Variants in TRPM6 observed in about 807,000 individuals in gnomAD.
The protein encoded by TRPM6 is transient receptor potential cation channel subfamily M member 6, also known as channel kinase 2.
Under a neutral mutation model 247.6 loss-of-function variants are expected in TRPM6, and 111 were observed. The observed-to-expected ratio is 0.45, with a 90% CI of 0.38 to 0.52. The LOEUF (loss-of-function observed/expected upper bound fraction) is 0.52. TRPM6 is among the 20% of genes least tolerant of loss of function. The pLI is 0.00. For synonymous variants in TRPM6, 892 were observed against 853.8 expected (o/e 1.04, Z -0.78); for missense variants, 2,126 against 2,421.5 (o/e 0.88, Z 2.56).
At chr9:74,865,095 C>T (rs1030120954) in intron 1 of TRPM6, among the ~76,000 whole-genome samples, 4 of 150,038 alleles carry the variant, frequency 2.7e-5, no homozygotes, top group Admixed American at 6.7e-5. Context: ...AAAAATGGAA[C>T]GTCAGAATGA....
intron 1 of TRPM6, among the ~76,000 whole-genome samples, chr9:74,865,664 A>T (rs1830824513): frequency 6.6e-6 from 1 of 152,218 alleles, no homozygotes; most frequent in South Asian, 2.1e-4. Context: ...TTATGCTCCA[A>T]ATATCTTGTT....
chr9:74,742,659 A>T, intron 32 of TRPM6, 33 bp from the exon 33 acceptor site: 1 of 1,592,262 alleles, frequency 6.3e-7, no homozygotes, highest in South Asian at 1.1e-5. Context: ...TATTTTAAGT[A>T]TGCATCAGTG....
chr9:74,815,121 G>C (rs1272224139), intron 11 of TRPM6, among the ~76,000 whole-genome samples: 2 of 152,124 alleles, frequency 1.3e-5, no homozygotes, highest in Non-Finnish European at 2.9e-5. Flanking sequence ...AACAAAGGTT[G>C]GGGGTGTTAC....
chr9:74,739,277 T>G, intron 35 of TRPM6, 90 bp downstream of exon 35: 2 of 1,203,224 alleles, frequency 1.7e-6, no homozygotes, highest in Non-Finnish European at 2.5e-6. Context: ...AATTTCCCCA[T>G]GGATAAGATT....
rs543924709 is a variant in TRPM6 at position 74,728,153 on chromosome 9, T to C, written c.5935+86A>G. On this transcript the variant is annotated intron_variant, in intron 38 of 38. Coordinates refer to ENST00000360774, the MANE Select transcript of TRPM6 (RefSeq NM_017662.5). Reference sequence around the variant, plus strand: ...ACGGTGAATGAGATAAAAATGTGATTACGATTTTCTACTTTATCCCAGGTT... The same window carrying C: ...ACGGTGAATGAGATAAAAATGTGATCACGATTTTCTACTTTATCCCAGGTT... The C allele has an allele frequency of 2.8e-6, 3 of 1,061,214 alleles. No individual in the cohort carries two copies. The South Asian group carries it at 3.9e-5, about 14-fold the overall frequency. 65.7% of individuals were successfully genotyped at this position (1,061,214 alleles called of 1,614,324 possible).
At chr9:74,824,828 C>A (rs983078363) in intron 7 of TRPM6, among the ~76,000 whole-genome samples, 9 of 151,874 alleles carry the variant, frequency 5.9e-5, no homozygotes, top group Admixed American at 1.3e-4. Flanking sequence ...TGACATTGGC[C>A]ACATTTCAAA....
chr9:74,834,046 G>T lies in TRPM6; in HGVS notation c.621C>A (p.Ile207=). ...HSLRKIWTVG[I]PPWGVIENQR... is the part of the protein sequence containing the mutation. ...GGTTCTCAATGACACCCCAAGGAGG[G>T]ATTCCAACTGTCCAGATTTTTCTCA... The change falls in exon 6 of 39, where the codon ATC becomes ATA. Residue 207 remains isoleucine, a synonymous_variant. Transcript: ENST00000360774. 6.2e-7 allele frequency: 1 copy of T among 1,614,106 alleles called. No homozygotes were observed. The highest frequency in any genetic ancestry group is 8.5e-7 in the Non-Finnish European group (1 of 1,179,982).
intron 5 of TRPM6, among the ~76,000 whole-genome samples, chr9:74,839,122 A>AG (rs1829829858): frequency 6.6e-6 from 1 of 151,806 alleles, no homozygotes; most frequent in Admixed American, 6.6e-5. Flanking sequence ...AAAAAAAAAA[A>AG]AAAAAGAAAA....
At chr9:74,804,102 A>G (rs575057168) in intron 14 of TRPM6, among the ~76,000 whole-genome samples, 29 of 152,248 alleles carry the variant, frequency 1.9e-4, no homozygotes, top group African/African-American at 6.7e-4. Flanking sequence ...CTCATTGTGC[A>G]TTTTGTTATT....
intron 36 of TRPM6, among the ~76,000 whole-genome samples, chr9:74,734,795 A>C (rs1304236810): frequency 6.6e-6 from 1 of 152,202 alleles, no homozygotes; most frequent in African/African-American, 2.4e-5. Flanking sequence ...ACTCCTTATA[A>C]GAATGAGGGT....
At chr9:74,782,510 A>C in intron 22 of TRPM6, 34 bp from the exon 23 acceptor site, 1 of 1,547,158 alleles carries the variant, frequency 6.5e-7, no homozygotes, top group Non-Finnish European at 8.9e-7. Flanking sequence ...AATGAAAGAT[A>C]AGATGAATCA....
At chr9:74,872,483 G>A (rs184312679) in intron 1 of TRPM6, among the ~76,000 whole-genome samples, 2 of 152,180 alleles carry the variant, frequency 1.3e-5, no homozygotes, top group African/African-American at 4.8e-5. Flanking sequence ...AAGCTGGAGT[G>A]CAGTGGCACA....
At chr9:74,861,052 G>T (rs1238506063) in intron 1 of TRPM6, among the ~76,000 whole-genome samples, 2 of 151,306 alleles carry the variant, frequency 1.3e-5, no homozygotes, top group African/African-American at 2.4e-5. Flanking sequence ...AGAAAGAAAT[G>T]ACACTATCTT....
chr9:74,830,864 A>G (rs911504894), intron 6 of TRPM6, among the ~76,000 whole-genome samples: 1 of 144,772 alleles, frequency 6.9e-6, no homozygotes, highest in African/African-American at 2.5e-5. Flanking sequence ...CGGCCTCCCA[A>G]AGTACTGGGG....
chr9:74,832,407 C>T (rs561257434), intron 6 of TRPM6, among the ~76,000 whole-genome samples: 21 of 151,962 alleles, frequency 1.4e-4, no homozygotes, highest in African/African-American at 3.9e-4. Flanking sequence ...CTTAAGAAAC[C>T]CTGTTTTTGA....
rs1825454689 is a variant in TRPM6, at chr9:74,729,646, A to G, written c.5829-1301T>C. On this transcript the variant is annotated intron_variant, in intron 37 of 38. Coordinates refer to ENST00000360774, the MANE Select transcript of TRPM6 (RefSeq NM_017662.5). ...TAACTATTCCTCTCTCTTTGTGTCC[A>G]TCTGGTAAGGAACCACTTCAATAAG... Among the ~76,000 whole-genome samples, 6 of 152,308 alleles carry G rather than the reference A, an allele frequency of 3.9e-5. No homozygotes were observed. In the South Asian group the frequency reaches 1.2e-3, roughly 32 times the overall value.
At chr9:74,791,958 C>T (rs1827918665) in intron 19 of TRPM6, among the ~76,000 whole-genome samples, 2 of 152,136 alleles carry the variant, frequency 1.3e-5, no homozygotes, top group South Asian at 4.1e-4. Context: ...GGGGTTTCAC[C>T]ATGTTACCCA....
rs1411090073 is a variant in TRPM6 at position 74,762,235 on chromosome 9, G to A, written c.4436C>T (p.Thr1479Ile). Reference protein sequence around the residue: ...KKKWQTCLPSTCDSDSSRSEQ... With the variant: ...KKKWQTCLPSICDSDSSRSEQ... ...ACTCCGAGAGGAATCACTGTCACAA[G>A]TGGAGGGCAAGCAGGTTTGCCACTT... The change falls in exon 26 of 39, where the codon ACT (threonine) becomes ATT (isoleucine). Residue 1479 changes from threonine to isoleucine, a missense_variant. Physicochemically the swap from Thr to Ile is moderately conservative, Grantham distance 89 (BLOSUM62 -1). Coordinates refer to ENST00000360774, the MANE Select transcript of TRPM6 (RefSeq NM_017662.5). The A allele has an allele frequency of 3.7e-6, 6 of 1,614,110 alleles. No individual in the cohort carries two copies. The highest frequency in any genetic ancestry group is 5.1e-6 in the Non-Finnish European group (6 of 1,180,046).
intron 6 of TRPM6, among the ~76,000 whole-genome samples, chr9:74,833,102 C>T (rs528060537): frequency 1.3e-5 from 2 of 151,782 alleles, no homozygotes; most frequent in East Asian, 1.9e-4. Context: ...CTGTATTAAT[C>T]GACATGGAGA....
Sources: allele counts gnomAD v4.1 joint callset (sites outside exome capture counted in the v4.1 genomes callset), GRCh38; gene constraint gnomAD v4.1.1; transcripts MANE v1.5; gene names NCBI Gene and HGNC (gene_info 2026-07-23, HGNC 2026-07-21).